The following KCNT2 variants were observed in gnomAD, a reference collection of about 807,000 sequenced individuals.
KCNT2 encodes the protein potassium channel subfamily T member 2.
A neutral mutation model predicts 153.8 loss-of-function variants in KCNT2; 67 were observed. The ratio of observed to expected loss-of-function variants is 0.44; its 90% CI spans 0.36 to 0.53. The LOEUF (loss-of-function observed/expected upper bound fraction) is 0.53. Among genes scored for constraint, KCNT2 ranks in the 20% least tolerant of loss-of-function variants. The pLI, the probability that KCNT2 is intolerant of heterozygous loss-of-function variation, is 0.00. For synonymous variants in KCNT2, 500 were observed against 458.8 expected, an observed-to-expected ratio of 1.09 and a Z score of -1.15; for missense variants, 975 against 1,354.8, an observed-to-expected ratio of 0.72 and a Z score of 4.40.
At chr1:196,594,846 G>A (rs1200037774) in intron 1 of KCNT2, among the ~76,000 whole-genome samples, 1 of 152,006 alleles carries the variant, frequency 6.6e-6, no homozygotes, top group Non-Finnish European at 1.5e-5. Flanking sequence ...TAAATACACA[G>A]ATCAAATTTC....
intron 15 of KCNT2, 128 bp downstream of exon 15, chr1:196,341,951 A>G: frequency 6.1e-6 from 5 of 820,944 alleles, no homozygotes; most frequent in Non-Finnish European, 5.5e-6. Flanking sequence ...ACATTGGGGA[A>G]TATTGTGACA....
At chr1:196,530,861 T>C (rs1249977837) in intron 1 of KCNT2, among the ~76,000 whole-genome samples, 2 of 152,084 alleles carry the variant, frequency 1.3e-5, no homozygotes, top group Non-Finnish European at 2.9e-5. Flanking sequence ...TGCTCTCTGA[T>C]GACATTAGCT....
chr1:196,463,004 G>A (rs988323632), intron 8 of KCNT2, among the ~76,000 whole-genome samples: 3 of 151,564 alleles, frequency 2.0e-5, no homozygotes, highest in South Asian at 2.1e-4. Flanking sequence ...CTACAGGCTG[G>A]ACTTAGGACG....
intron 25 of KCNT2, among the ~76,000 whole-genome samples, chr1:196,263,473 C>T (rs1301314797): frequency 2.0e-5 from 3 of 152,010 alleles, no homozygotes; most frequent in African/African-American, 4.8e-5. Context: ...ACATCACACA[C>T]TGCGCCCTGT....
At chr1:196,461,153 A>G (rs1257677005) in intron 8 of KCNT2, among the ~76,000 whole-genome samples, 1 of 151,738 alleles carries the variant, frequency 6.6e-6, no homozygotes, top group Admixed American at 6.6e-5. Context: ...CCAAGTAGCT[A>G]TTTGCCGTTA....
At chr1:196,448,981 C>T (rs1048968414) in intron 8 of KCNT2, among the ~76,000 whole-genome samples, 7 of 151,596 alleles carry the variant, frequency 4.6e-5, no homozygotes, top group Non-Finnish European at 8.9e-5. Context: ...TTACACAATG[C>T]TTTTATATAA....
intron 1 of KCNT2, among the ~76,000 whole-genome samples, chr1:196,545,592 A>G (rs1464027935): frequency 6.6e-6 from 1 of 152,064 alleles, no homozygotes; most frequent in African/African-American, 2.4e-5. Flanking sequence ...ACCTATTGAA[A>G]GTGAATAATT....
intron 12 of KCNT2, among the ~76,000 whole-genome samples, chr1:196,410,047 T>G (rs1672154150): frequency 6.6e-6 from 1 of 151,732 alleles, no homozygotes. Flanking sequence ...TAATTAATGA[T>G]GCTGATCATC....
chr1:196,533,538 C>T (rs2148854124), intron 1 of KCNT2, among the ~76,000 whole-genome samples: 1 of 152,150 alleles, frequency 6.6e-6, no homozygotes, highest in South Asian at 2.1e-4. Context: ...TTCTGGAGTC[C>T]TTAGTCTCCC....
At chr1:196,470,876 C>CT (rs71154745) in intron 5 of KCNT2, among the ~76,000 whole-genome samples, 16 of 75,846 alleles carry the variant, frequency 2.1e-4, no homozygotes, top group East Asian at 3.7e-4. Flanking sequence ...TTCTTTCTTT[C>CT]TTTTTTTTTT....
At chr1:196,351,899 C>T (rs373178365) in intron 14 of KCNT2, among the ~76,000 whole-genome samples, 2 of 151,974 alleles carry the variant, frequency 1.3e-5, no homozygotes, top group Non-Finnish European at 2.9e-5. Flanking sequence ...AATTTATTGA[C>T]AGTTTTTAGC....
intron 1 of KCNT2, among the ~76,000 whole-genome samples, chr1:196,570,295 T>A (rs1315146226): frequency 3.9e-5 from 6 of 152,170 alleles, no homozygotes; most frequent in African/African-American, 9.7e-5. Context: ...TTAATTTTTT[T>A]AAATTATGTG....
chr1:196,584,195 A>AAAATAAAATAAAAG (rs1243590926), intron 1 of KCNT2, among the ~76,000 whole-genome samples: 1 of 4,248 alleles, frequency 2.4e-4, no homozygotes, highest in East Asian at 0.016. Flanking sequence ...TAAAATAAAA[A>AAAATAAAATAAAAG]GAATAGAAGC....
chr1:196,414,369 T>C (rs959999595), intron 12 of KCNT2, among the ~76,000 whole-genome samples: 7 of 151,832 alleles, frequency 4.6e-5, no homozygotes, highest in Admixed American at 1.3e-4. Context: ...CATTTTAAAA[T>C]TTATTCTAAA....
intron 3 of KCNT2, among the ~76,000 whole-genome samples, chr1:196,489,494 T>C (rs181676331): frequency 6.6e-6 from 1 of 152,122 alleles, no homozygotes; most frequent in East Asian, 1.9e-4. Context: ...AGCTTCATAT[T>C]ATCTTTTGGG....
intron 12 of KCNT2, among the ~76,000 whole-genome samples, chr1:196,411,140 C>CCCTT (rs1480927860): frequency 3.6e-5 from 5 of 137,900 alleles, no homozygotes; most frequent in Non-Finnish European, 6.2e-5. Context: ...TTTCCTACCT[C>CCCTT]CCTTCCTTCC....
chr1:196,569,508 A>C (rs1355881175), intron 1 of KCNT2, among the ~76,000 whole-genome samples: 2 of 152,222 alleles, frequency 1.3e-5, no homozygotes, highest in African/African-American at 4.8e-5. Flanking sequence ...ATATTTGGTC[A>C]CAACATTAGG....
intron 22 of KCNT2, among the ~76,000 whole-genome samples, chr1:196,288,284 A>G (rs1437610888): frequency 6.6e-6 from 1 of 152,048 alleles, no homozygotes; most frequent in Non-Finnish European, 1.5e-5. Flanking sequence ...AAGTACCAAG[A>G]TATGTTTTAA....
At chr1:196,500,054 G>A (rs1002519120) in intron 1 of KCNT2, among the ~76,000 whole-genome samples, 1 of 151,814 alleles carries the variant, frequency 6.6e-6, no homozygotes, top group African/African-American at 2.4e-5. Context: ...AGAGGCAGAA[G>A]AATCACTTGA....
Sources: allele counts gnomAD v4.1 joint callset (sites outside exome capture counted in the v4.1 genomes callset), GRCh38; gene constraint gnomAD v4.1.1; transcripts MANE v1.5; gene names NCBI Gene and HGNC (gene_info 2026-07-23, HGNC 2026-07-21).